SLC24A2: variants seen among roughly 807,000 people sequenced by gnomAD.
SLC24A2 encodes the protein solute carrier family 24 member 2.
Under a neutral mutation model 62.0 loss-of-function variants are expected in SLC24A2, and 36 were observed. That is an observed-to-expected ratio of 0.58 (90% CI 0.44 to 0.77). The LOEUF (loss-of-function observed/expected upper bound fraction) is 0.77, where lower values mean the gene tolerates loss of function less well. SLC24A2 is among the 30% of genes least tolerant of loss of function. The probability of loss-of-function intolerance (pLI) is 0.00; values close to 1 mark genes in which losing one functional copy is unlikely to be tolerated. For missense variants in SLC24A2, 846 were observed against 817.9 expected, an observed-to-expected ratio of 1.03 and a Z score of -0.42; for synonymous variants, 358 against 294.0, an observed-to-expected ratio of 1.22 and a Z score of -2.23.
the SLC24A2 span, among the ~76,000 whole-genome samples, chr9:20,257,512 G>T: frequency 6.6e-6 from 1 of 152,050 alleles, no homozygotes; most frequent in Non-Finnish European, 1.5e-5. Context: ...CTGGTGTTAG[G>T]ATTAAGCTCC....
chr9:20,125,948 C>T, the SLC24A2 span, among the ~76,000 whole-genome samples: 1 of 152,158 alleles, frequency 6.6e-6, no homozygotes, highest in East Asian at 1.9e-4. Context: ...GCCAGAGGAT[C>T]TGGGAGGGGA....
the SLC24A2 span, among the ~76,000 whole-genome samples, chr9:20,102,796 C>T: frequency 6.6e-6 from 1 of 152,152 alleles, no homozygotes. Flanking sequence ...TTCTGCATTT[C>T]CATCTCAGGT....
intron 2 of SLC24A2, among the ~76,000 whole-genome samples, chr9:19,649,120 C>G (rs1214181777): frequency 2.0e-5 from 3 of 149,448 alleles, no homozygotes; most frequent in African/African-American, 7.4e-5. Flanking sequence ...AATTTAAAAA[C>G]TAAAAACAAA....
chr9:19,511,539 T>G lies in SLC24A2; in HGVS notation c.*4614A>C, dbSNP rs991308552. 1 of 152,224 alleles carries G rather than the reference T, an allele frequency of 6.6e-6. No homozygotes were observed. Among genetic ancestry groups the G allele is most frequent in the African/African-American group, 2.4e-5 (1 of 41,468 alleles). The allele number at this position is 152,224 out of a possible 1,614,324, so 9.4% of individuals were successfully genotyped here. ...TAATATCTCCTTTCTTCCCTTTCCT[T>G]ATTATTCTATTTTTTCTCCTACCCC... On this transcript the variant is annotated 3_prime_UTR_variant, in exon 11 of 11. Transcript: ENST00000341998.
At chr9:20,282,333 C>G in the SLC24A2 span, among the ~76,000 whole-genome samples, 1 of 152,100 alleles carries the variant, frequency 6.6e-6, no homozygotes, top group Non-Finnish European at 1.5e-5. Context: ...TCATTGATCT[C>G]TGGCCAGAGA....
intron 2 of SLC24A2, among the ~76,000 whole-genome samples, chr9:19,731,791 A>T (rs1161087345): frequency 6.6e-6 from 1 of 152,182 alleles, no homozygotes; most frequent in Non-Finnish European, 1.5e-5. Flanking sequence ...ACACCAAATA[A>T]ATGGTGACTG....
the SLC24A2 span, among the ~76,000 whole-genome samples, chr9:20,284,057 T>A: frequency 6.6e-6 from 1 of 152,106 alleles, no homozygotes; most frequent in African/African-American, 2.4e-5. Flanking sequence ...GTGGCTTGAC[T>A]CTCCGTGGCT....
At chr9:20,098,573 G>C in the SLC24A2 span, among the ~76,000 whole-genome samples, 1 of 152,156 alleles carries the variant, frequency 6.6e-6, no homozygotes. Flanking sequence ...CTCAGCATTA[G>C]GCCTAAGAGA....
At chr9:20,015,473 C>T in the SLC24A2 span, among the ~76,000 whole-genome samples, 1 of 152,218 alleles carries the variant, frequency 6.6e-6, no homozygotes, top group Non-Finnish European at 1.5e-5. Context: ...GCTTGAGCTG[C>T]TACAGCCTCT....
chr9:20,116,568 T>C, the SLC24A2 span, among the ~76,000 whole-genome samples: 1,197 of 152,306 alleles, frequency 7.9e-3, 8 homozygotes, highest in South Asian at 0.028. Flanking sequence ...GCACCTACCA[T>C]ACTGTGCCGT....
chr9:19,965,490 A>C, the SLC24A2 span, among the ~76,000 whole-genome samples: 1 of 152,188 alleles, frequency 6.6e-6, no homozygotes, highest in African/African-American at 2.4e-5. Flanking sequence ...TTCCAGCTAA[A>C]TAGAAGCTCT....
intron 8 of SLC24A2, among the ~76,000 whole-genome samples, chr9:19,542,212 G>A (rs1208692302): frequency 6.6e-6 from 1 of 152,090 alleles, no homozygotes; most frequent in Admixed American, 6.6e-5. Flanking sequence ...GTTCCTATTC[G>A]GCCATCTTGG....
chr9:20,239,970 A>C, the SLC24A2 span, among the ~76,000 whole-genome samples: 2,710 of 152,162 alleles, frequency 0.018, 84 homozygotes, highest in African/African-American at 0.062. Flanking sequence ...TGGGTTAGGA[A>C]AGGGTTACCC....
chr9:19,890,336 T>C, the SLC24A2 span, among the ~76,000 whole-genome samples: 2 of 152,194 alleles, frequency 1.3e-5, no homozygotes, highest in Admixed American at 6.5e-5. Flanking sequence ...CACAAGGGCA[T>C]GAATACTAGG....
chr9:19,804,671 A>C, the SLC24A2 span, among the ~76,000 whole-genome samples: 2 of 152,102 alleles, frequency 1.3e-5, no homozygotes. Context: ...CTCAAGTACA[A>C]CATTGAATCA....
At chr9:20,089,056 C>T in the SLC24A2 span, among the ~76,000 whole-genome samples, 173 of 152,268 alleles carry the variant, frequency 1.1e-3, 2 homozygotes, top group East Asian at 0.028. Flanking sequence ...CAGCCATCCC[C>T]TGCTGGGGCT....
intron 1 of SLC24A2, chr9:19,788,642 G>C (rs1442242860): frequency 2.0e-6 from 2 of 985,020 alleles, no homozygotes; most frequent in East Asian, 1.1e-4. Context: ...CTCCCCCGAC[G>C]GCAGGCCCTG....
At chr9:20,199,592 A>T in the SLC24A2 span, among the ~76,000 whole-genome samples, 1 of 152,168 alleles carries the variant, frequency 6.6e-6, no homozygotes, top group South Asian at 2.1e-4. Context: ...ATATTTTTCA[A>T]TTCACTTTGA....
chr9:20,274,981 A>G, the SLC24A2 span, among the ~76,000 whole-genome samples: 1 of 152,052 alleles, frequency 6.6e-6, no homozygotes, highest in African/African-American at 2.4e-5. Context: ...TCCCCACCTC[A>G]GTCAGACCCT....
Sources: allele counts gnomAD v4.1 joint callset (sites outside exome capture counted in the v4.1 genomes callset), GRCh38; gene constraint gnomAD v4.1.1; transcripts MANE v1.5; gene names NCBI Gene and HGNC (gene_info 2026-07-23, HGNC 2026-07-21).